The following BCL11A variants were observed in gnomAD, a reference collection of about 807,000 sequenced individuals.
BCL11A encodes the protein BCL11 transcription factor A.
A neutral mutation model predicts 55.9 loss-of-function variants in BCL11A; 2 were observed. The observed-to-expected ratio is 0.04, with a 90% CI of 0.01 to 0.11. BCL11A has a LOEUF of 0.11. BCL11A is among the 10% of genes least tolerant of loss of function. The probability of loss-of-function intolerance (pLI) is 1.00; values close to 1 mark genes in which losing one functional copy is unlikely to be tolerated. For missense variants in BCL11A, 817 were observed against 1,137.1 expected, an observed-to-expected ratio of 0.72 and a Z score of 4.05; for synonymous variants, 465 against 473.4, an observed-to-expected ratio of 0.98 and a Z score of 0.23.
intron 3 of BCL11A, among the ~76,000 whole-genome samples, chr2:60,466,639 G>T (rs544871660): frequency 6.6e-6 from 1 of 152,222 alleles, no homozygotes; most frequent in South Asian, 2.1e-4. Flanking sequence ...CTGGTCTCAG[G>T]GTGCATGCCC....
At chr2:60,500,819 C>T (rs943274710) in intron 2 of BCL11A, among the ~76,000 whole-genome samples, 1 of 152,178 alleles carries the variant, frequency 6.6e-6, no homozygotes. Context: ...AATTTCCTGG[C>T]TGTGTGTCTG....
At chr2:60,497,126 A>G (rs963834550) in intron 2 of BCL11A, among the ~76,000 whole-genome samples, 15 of 152,348 alleles carry the variant, frequency 9.8e-5, no homozygotes, top group African/African-American at 3.4e-4. Flanking sequence ...TTTAGCTAGC[A>G]TCCCCTAAGC....
chr2:60,551,762 T>A (rs1199904837), intron 1 of BCL11A, among the ~76,000 whole-genome samples: 2 of 151,056 alleles, frequency 1.3e-5, no homozygotes, highest in Non-Finnish European at 3.0e-5. Context: ...CCTGCCGCCG[T>A]GCCTGGCGGG....
Position 60,546,189 on chromosome 2 carries a change from G to A in BCL11A, c.167C>T (p.Pro56Leu). The stretch of plus-strand genomic sequence containing the variant: ...GATAAAAATAAGAATGTCCCCCAAT[G>A]GGAAGTTCATCTGGCACTGCCCACA... ...LTCGQCQMNF[P>L]LGDILIFIEH... Residue 56 changes from proline (P) to leucine (L), a missense_variant, in exon 2 of 4, where the codon CCA becomes CTA. Pro to Leu is a moderately conservative substitution (Grantham distance 98). Coordinates refer to ENST00000642384, the MANE Select transcript of BCL11A (RefSeq NM_022893.4). The surrounding 1 kb of genome is among the most constrained non-coding windows in gnomAD (Gnocchi z 4.1). The A allele has an allele frequency of 1.9e-6, 3 of 1,614,200 alleles. No homozygotes were observed. The highest frequency in any genetic ancestry group is 2.5e-6 in the Non-Finnish European group (3 of 1,180,026).
At chr2:60,478,118 C>A (rs1461101041) in intron 2 of BCL11A, 2 of 152,346 alleles carry the variant, frequency 1.3e-5, no homozygotes, top group Non-Finnish European at 2.9e-5. Context: ...TGCGCCACCA[C>A]CACACCTGGC....
At chr2:60,479,028 C>A (rs1677797623) in intron 2 of BCL11A, among the ~76,000 whole-genome samples, 1 of 151,966 alleles carries the variant, frequency 6.6e-6, no homozygotes, top group African/African-American at 2.4e-5. Flanking sequence ...TCATTTATAC[C>A]ACTGACCAAT....
rs1296091616 is a variant in BCL11A at position 60,541,989 on chromosome 2, C to T, written c.385+3982G>A. The T allele has an allele frequency of 7.4e-6, 5 of 675,566 alleles. No individual in the cohort carries two copies. The East Asian group carries it at 1.1e-4, about 15-fold the overall frequency. 41.8% of individuals were successfully genotyped at this position (675,566 alleles called of 1,614,324 possible). ...AGTTCATTTTCTAAATTCTGAAAAG[C>T]ATATTGTATTTGATTTACTTTTAAG... is the stretch of plus-strand genomic sequence containing the variant. On this transcript the variant is annotated intron_variant, in intron 2 of 3. Coordinates refer to ENST00000642384, the MANE Select transcript of BCL11A (RefSeq NM_022893.4).
In BCL11A at chr2:60,458,954, T is replaced by A. The variant is rs1474989857; in HGVS notation, c.*1450A>T. ...ATGGAAAAGAAATGAAGTACAACTT[T>A]TAGGGAGCACAGACATATATACTGC... On this transcript the variant is annotated 3_prime_UTR_variant, in exon 4 of 4. Coordinates refer to ENST00000642384, the MANE Select transcript of BCL11A (RefSeq NM_022893.4). 7.7e-6 allele frequency: 8 copies of A among 1,033,910 alleles called. No individual in the cohort carries two copies. Among genetic ancestry groups the A allele is most frequent in the Non-Finnish European group, 7.0e-6 (6 of 858,834 alleles). 64.0% of individuals were successfully genotyped at this position (1,033,910 alleles called of 1,614,324 possible).
At chr2:60,552,748 T>C (rs1670472968) in intron 1 of BCL11A, among the ~76,000 whole-genome samples, 1 of 152,052 alleles carries the variant, frequency 6.6e-6, no homozygotes, top group Non-Finnish European at 1.5e-5. Context: ...TTTTTTAGAC[T>C]TGTACTCACT....
chr2:60,497,060 T>C (rs1678990673), intron 2 of BCL11A, among the ~76,000 whole-genome samples: 1 of 152,222 alleles, frequency 6.6e-6, no homozygotes, highest in African/African-American at 2.4e-5. Context: ...TCCCCCAGTG[T>C]TGAGTGGACA....
At chr2:60,552,925 GAA>G (rs1299005156) in intron 1 of BCL11A, among the ~76,000 whole-genome samples, 1 of 151,678 alleles carries the variant, frequency 6.6e-6, no homozygotes, top group South Asian at 2.1e-4. Flanking sequence ...ATTCCTTTTC[GAA>G]AAGAGAAATA....
At position 60,462,234 on chromosome 2, in the gene BCL11A, A is replaced by T; in HGVS notation, c.678T>A (p.Pro226=). The change falls in exon 4 of 4, where the codon CCT becomes CCA. Residue 226 remains proline (P), a synonymous_variant. Coordinates refer to ENST00000642384, the MANE Select transcript of BCL11A (RefSeq NM_022893.4). ...TGTCTGCAATATGAATCCCATGGAG[A>T]GGTGGCTGGGAAGGACATTCTGCAC... ...GLGAECPSQP[P]LHGIHIADNN... is the part of the protein sequence containing the mutation. 6.2e-7 allele frequency: 1 copy of T among 1,613,552 alleles called. No homozygotes were observed. The highest frequency in any genetic ancestry group is 2.2e-5 in the East Asian group (1 of 44,858).
At chr2:60,487,012 C>G (rs772267391) in intron 2 of BCL11A, among the ~76,000 whole-genome samples, 40 of 152,132 alleles carry the variant, frequency 2.6e-4, no homozygotes, top group Non-Finnish European at 3.1e-4. Context: ...AGGCAAATGC[C>G]CCTCCTTTAA....
At chr2:60,521,640 C>A (rs1033382260) in intron 2 of BCL11A, among the ~76,000 whole-genome samples, 2 of 152,212 alleles carry the variant, frequency 1.3e-5, no homozygotes, top group Admixed American at 1.3e-4. Flanking sequence ...GCTGCTTAAC[C>A]CTTGACGTGT....
At chr2:60,547,855 GTGCTC>G (rs1014773530) in intron 1 of BCL11A, among the ~76,000 whole-genome samples, 22 of 152,246 alleles carry the variant, frequency 1.4e-4, no homozygotes, top group African/African-American at 5.3e-4. Context: ...AGCTGCACCT[GTGCTC>G]AAGTAGGACA....
Position 60,461,538 on chromosome 2 carries a change from G to T in BCL11A, c.1374C>A (p.Ser458Arg). The change falls in exon 4 of 4, where the codon AGC becomes AGA. Residue 458 changes from serine (S) to arginine (R), a missense_variant. Around this residue, in one of 4 missense-constraint regions of BCL11A, gnomAD observed 379 missense variants for 425.3 expected, o/e 0.89. Coordinates refer to ENST00000642384, the MANE Select transcript of BCL11A (RefSeq NM_022893.4). Reference protein sequence around the residue: ...PEPGTSDLVGSASSALKSVVA... With the variant: ...PEPGTSDLVGRASSALKSVVA... ...CCACGGACTTGAGCGCGCTGCTGGC[G>T]CTGCCCACCAAGTCGCTGGTGCCGG... is the stretch of plus-strand genomic sequence containing the variant. 6.2e-7 allele frequency: 1 copy of T among 1,609,566 alleles called. No individual in the cohort carries two copies. The highest frequency in any genetic ancestry group is 8.5e-7 in the Non-Finnish European group (1 of 1,179,996).
At chr2:60,493,816 A>G (rs4671393) in intron 2 of BCL11A, among the ~76,000 whole-genome samples, 122,349 of 152,048 alleles carry the variant, frequency 0.8, 49,520 homozygotes, top group South Asian at 0.85. Flanking sequence ...GCAAAGCTTC[A>G]GTGCAGGAAA....
In BCL11A at chr2:60,458,286, T is replaced by C. The variant is rs1458901786; in HGVS notation, c.*2118A>G. 5 of 1,025,512 alleles carry C rather than the reference T, an allele frequency of 4.9e-6. No homozygotes were observed. The highest frequency in any genetic ancestry group is 5.9e-6 in the Non-Finnish European group (5 of 853,344). The allele number at this position is 1,025,512 out of a possible 1,614,324, so 63.5% of individuals were successfully genotyped here. A position where few individuals can be genotyped will look rare whatever the true frequency, so the allele number is the denominator to read the frequency against. On this transcript the variant is annotated 3_prime_UTR_variant, in exon 4 of 4. Transcript: ENST00000642384. ...TTCCCCAATGTATGTTTTTTTTTTTTACAACCTGAAGAGCGGTGTGTATCC... is the reference window on the plus strand; with the variant it reads ...TTCCCCAATGTATGTTTTTTTTTTTCACAACCTGAAGAGCGGTGTGTATCC...
At position 60,553,281 on chromosome 2, in the gene BCL11A, GGGGC is replaced by G; in HGVS notation, c.-15_-12del. 2 of 1,572,902 alleles carry G rather than the reference GGGGC, an allele frequency of 1.3e-6. No individual in the cohort carries two copies. Among genetic ancestry groups the G allele is most frequent in the Non-Finnish European group, 8.6e-7 (1 of 1,166,892 alleles). ...CTTGCGGCGAGACATGGTGGGCTGCGGGGCGGGCGGCGGCGGCGGCGGCGGCGGC... is the reference window on the plus strand; with the variant it reads ...CTTGCGGCGAGACATGGTGGGCTGCGGGGCGGCGGCGGCGGCGGCGGCGGC... On this transcript the variant is annotated 5_prime_UTR_variant, in exon 1 of 4. Coordinates refer to ENST00000642384, the MANE Select transcript of BCL11A (RefSeq NM_022893.4).
Sources: gnomAD v4.1 joint callset for allele counts (sites outside exome capture counted in the v4.1 genomes callset) on GRCh38, gnomAD v4.1.1 for gene constraint, gnomAD v4.1.1 regional missense constraint, Gnocchi (gnomAD v3.1) non-coding constraint, MANE v1.5 for transcripts, NCBI Gene and HGNC (gene_info 2026-07-23, HGNC 2026-07-21) for gene names.